PHF20: variants seen among roughly 807,000 people sequenced by gnomAD.
The protein encoded by PHF20 is PHD finger protein 20.
A neutral mutation model predicts 113.5 loss-of-function variants in PHF20; 23 were observed. The ratio of observed to expected loss-of-function variants is 0.20; its 90% CI spans 0.15 to 0.29. The LOEUF (loss-of-function observed/expected upper bound fraction) is 0.29, where lower values mean the gene tolerates loss of function less well. Among genes scored for constraint, PHF20 ranks in the 10% least tolerant of loss-of-function variants. PHF20 has a pLI of 1.00. For missense variants in PHF20, 943 were observed against 1,219.6 expected (o/e 0.77, Z 3.38); for synonymous variants, 434 against 457.3 (o/e 0.95, Z 0.65).
At chr20:35,812,380 C>T (rs1349997230) in intron 2 of PHF20, among the ~76,000 whole-genome samples, 2 of 152,070 alleles carry the variant, frequency 1.3e-5, no homozygotes, top group African/African-American at 4.8e-5. Flanking sequence ...GATCGAGCCA[C>T]TGCACTCCAG....
At chr20:35,789,191 A>AG (rs779572251) in intron 1 of PHF20, among the ~76,000 whole-genome samples, 27 of 151,830 alleles carry the variant, frequency 1.8e-4, no homozygotes, top group East Asian at 7.7e-4. Context: ...TTAGTGAGGG[A>AG]GGGGGCAGAT....
intron 2 of PHF20, among the ~76,000 whole-genome samples, chr20:35,810,738 C>G (rs1314739750): frequency 1.3e-5 from 2 of 152,104 alleles, no homozygotes; most frequent in Non-Finnish European, 2.9e-5. Context: ...CAAAACAAAA[C>G]AAAACACTGG....
chr20:35,925,516 G>A (rs1455019463), intron 13 of PHF20, among the ~76,000 whole-genome samples: 1 of 151,758 alleles, frequency 6.6e-6, no homozygotes, highest in Admixed American at 6.6e-5. Flanking sequence ...CCCCCGCCTC[G>A]GCCTCCCAAA....
At chr20:35,778,340 T>C (rs1286707438) in intron 1 of PHF20, among the ~76,000 whole-genome samples, 1 of 152,198 alleles carries the variant, frequency 6.6e-6, no homozygotes, top group Non-Finnish European at 1.5e-5. Context: ...CCAAAATGTA[T>C]GCTTAGTCAA....
At chr20:35,818,352 G>T (rs2042112097) in intron 2 of PHF20, among the ~76,000 whole-genome samples, 1 of 152,178 alleles carries the variant, frequency 6.6e-6, no homozygotes, top group East Asian at 1.9e-4. Flanking sequence ...GGTTGAGGCT[G>T]CAGTGAGCCA....
chr20:35,839,081 T>C (rs1383222884), intron 2 of PHF20, among the ~76,000 whole-genome samples: 1 of 151,302 alleles, frequency 6.6e-6, no homozygotes, highest in Non-Finnish European at 1.5e-5. Flanking sequence ...TTGCTAGAGA[T>C]AGTAAACCAT....
chr20:35,919,229 C>T (rs183491494), intron 13 of PHF20, among the ~76,000 whole-genome samples: 17 of 152,122 alleles, frequency 1.1e-4, no homozygotes, highest in African/African-American at 3.6e-4. Context: ...GTTGGTCAGG[C>T]TTGTCTGGAA....
chr20:35,777,386 T>C (rs1483244703), intron 1 of PHF20, among the ~76,000 whole-genome samples: 1 of 152,182 alleles, frequency 6.6e-6, no homozygotes, highest in Non-Finnish European at 1.5e-5. Flanking sequence ...AGATGTAATG[T>C]TTTTAGTCCC....
chr20:35,916,857 G>A (rs1047085102), intron 12 of PHF20, among the ~76,000 whole-genome samples: 1 of 152,172 alleles, frequency 6.6e-6, no homozygotes, highest in African/African-American at 2.4e-5. Flanking sequence ...AAACTCGCAG[G>A]CTCAAGGGAT....
chr20:35,894,455 A>T (rs947605139), intron 9 of PHF20, among the ~76,000 whole-genome samples: 3 of 152,238 alleles, frequency 2.0e-5, no homozygotes, highest in Admixed American at 2.0e-4. Context: ...TGCTAATGAA[A>T]GGTAGACCTG....
chr20:35,812,985 T>C (rs988132552), intron 2 of PHF20, among the ~76,000 whole-genome samples: 1 of 152,214 alleles, frequency 6.6e-6, no homozygotes, highest in African/African-American at 2.4e-5. Context: ...ATTATTATTT[T>C]TGATACAGAG....
intron 1 of PHF20, among the ~76,000 whole-genome samples, chr20:35,774,273 C>T (rs371864538): frequency 6.6e-6 from 1 of 151,850 alleles, no homozygotes; most frequent in Non-Finnish European, 1.5e-5. Context: ...TTAGTAGAGA[C>T]GGGGTTTCAC....
intron 17 of PHF20, among the ~76,000 whole-genome samples, chr20:35,943,344 A>G (rs2056023467): frequency 1.3e-5 from 2 of 151,720 alleles, no homozygotes; most frequent in African/African-American, 2.4e-5. Flanking sequence ...GTCTGAAAAT[A>G]AAAAATTTAA....
chr20:35,830,301 T>TA (rs1389999094), intron 2 of PHF20, among the ~76,000 whole-genome samples: 1 of 152,230 alleles, frequency 6.6e-6, no homozygotes, highest in African/African-American at 2.4e-5. Flanking sequence ...TGGTAACCTC[T>TA]ATTCTGCTTT....
intron 2 of PHF20, among the ~76,000 whole-genome samples, chr20:35,827,653 G>A (rs1049900501): frequency 6.6e-6 from 1 of 151,880 alleles, no homozygotes; most frequent in African/African-American, 2.4e-5. Context: ...GCGTGGTGGC[G>A]GGTGCCTGTA....
chr20:35,868,984 C>T (rs1246457889), intron 6 of PHF20, among the ~76,000 whole-genome samples: 6 of 151,142 alleles, frequency 4.0e-5, no homozygotes, highest in Non-Finnish European at 8.9e-5. Context: ...CCACCTACTC[C>T]GGAGGCTGAG....
At chr20:35,895,331 G>A (rs1171952257) in intron 9 of PHF20, among the ~76,000 whole-genome samples, 2 of 151,534 alleles carry the variant, frequency 1.3e-5, no homozygotes, top group African/African-American at 2.4e-5. Context: ...GCTAATTTTT[G>A]TATTTTAGTA....
At chr20:35,773,427 G>C (rs535095330) in intron 1 of PHF20, among the ~76,000 whole-genome samples, 1 of 152,210 alleles carries the variant, frequency 6.6e-6, no homozygotes, top group African/African-American at 2.4e-5. Context: ...TGGCGAGTGC[G>C]TATCTTTGTT....
intron 2 of PHF20, among the ~76,000 whole-genome samples, chr20:35,839,390 CAAAAAA>C (rs752680212): frequency 1.5e-5 from 1 of 67,928 alleles, no homozygotes; most frequent in African/African-American, 5.4e-5. Context: ...GATTCCATCT[CAAAAAA>C]AAAAAAAAAA....
Sources: allele counts gnomAD v4.1 joint callset (sites outside exome capture counted in the v4.1 genomes callset), GRCh38; gene constraint gnomAD v4.1.1; transcripts MANE v1.5; gene names NCBI Gene and HGNC (gene_info 2026-07-23, HGNC 2026-07-21).